NCOA7: variants seen among roughly 807,000 people sequenced by gnomAD.
The protein encoded by NCOA7 is nuclear receptor coactivator 7.
A neutral mutation model predicts 104.3 loss-of-function variants in NCOA7; 45 were observed. The observed-to-expected ratio is 0.43, with a 90% CI of 0.34 to 0.55. The LOEUF is 0.55. NCOA7 is among the 20% of genes least tolerant of loss of function. NCOA7 has a pLI of 0.02. For synonymous variants in NCOA7, 398 were observed against 402.3 expected, an observed-to-expected ratio of 0.99 and a Z score of 0.13; for missense variants, 1,041 against 1,119.7, an observed-to-expected ratio of 0.93 and a Z score of 1.00.
At chr6:125,799,719 G>A (rs181811793) in intron 1 of NCOA7, among the ~76,000 whole-genome samples, 4 of 152,280 alleles carry the variant, frequency 2.6e-5, no homozygotes, top group African/African-American at 9.6e-5. Context: ...TGGGTTTACA[G>A]ACATGAACCG....
At chr6:125,856,334 T>C (rs1781544799) in intron 3 of NCOA7, among the ~76,000 whole-genome samples, 1 of 147,640 alleles carries the variant, frequency 6.8e-6, no homozygotes, top group African/African-American at 2.5e-5. Context: ...TATGTTTATG[T>C]CTCCATGTTT....
intron 2 of NCOA7, among the ~76,000 whole-genome samples, chr6:125,849,282 GTGTGCATTCTACAA>G (rs939782363): frequency 6.6e-6 from 1 of 152,166 alleles, no homozygotes; most frequent in African/African-American, 2.4e-5. Flanking sequence ...AGTGAAGTAT[GTGTGCATTCTACAA>G]GTGCCTACAC....
chr6:125,798,863 C>T (rs1304090327), intron 1 of NCOA7, among the ~76,000 whole-genome samples: 1 of 152,084 alleles, frequency 6.6e-6, no homozygotes, highest in Non-Finnish European at 1.5e-5. Flanking sequence ...AAAGCAAATG[C>T]ATATTCATTT....
At chr6:125,909,647 A>G (rs1169872364) in intron 10 of NCOA7, among the ~76,000 whole-genome samples, 1 of 152,004 alleles carries the variant, frequency 6.6e-6, no homozygotes, top group Non-Finnish European at 1.5e-5. Context: ...CGTCTCTACT[A>G]AAAAATACAA....
At chr6:125,819,366 A>C (rs1373458049) in intron 2 of NCOA7, among the ~76,000 whole-genome samples, 1 of 152,002 alleles carries the variant, frequency 6.6e-6, no homozygotes, top group East Asian at 1.9e-4. Flanking sequence ...ATGCCTGTGT[A>C]ACTCTAAATA....
chr6:125,823,422 T>C (rs1778379860), intron 2 of NCOA7, among the ~76,000 whole-genome samples: 1 of 152,218 alleles, frequency 6.6e-6, no homozygotes, highest in Admixed American at 6.5e-5. Flanking sequence ...TCAAAACCAT[T>C]TTCTATGAAA....
At chr6:125,826,788 C>T (rs1178412636) in intron 2 of NCOA7, among the ~76,000 whole-genome samples, 1 of 152,028 alleles carries the variant, frequency 6.6e-6, no homozygotes, top group East Asian at 1.9e-4. Context: ...TTACAATGAA[C>T]AGAAATTTAT....
chr6:125,872,951 A>T (rs567024609), intron 3 of NCOA7, among the ~76,000 whole-genome samples: 21 of 152,344 alleles, frequency 1.4e-4, no homozygotes, highest in African/African-American at 3.8e-4. Flanking sequence ...ACGGATGACT[A>T]GAACAGGACT....
intron 3 of NCOA7, among the ~76,000 whole-genome samples, chr6:125,869,064 A>G (rs1033981102): frequency 6.6e-6 from 1 of 152,226 alleles, no homozygotes; most frequent in Non-Finnish European, 1.5e-5. Flanking sequence ...AAGGCTACGT[A>G]CTATCTTTTC....
At chr6:125,881,062 T>TCA (rs1311496580) in intron 5 of NCOA7, 28 bp from the exon 6 acceptor site, 2 of 1,450,022 alleles carry the variant, frequency 1.4e-6, no homozygotes, top group South Asian at 2.3e-5. Context: ...TTGCTGGTAC[T>TCA]CACCCATCTG....
At chr6:125,892,495 A>G (rs1227249690) in intron 10 of NCOA7, among the ~76,000 whole-genome samples, 1 of 152,106 alleles carries the variant, frequency 6.6e-6, no homozygotes, top group Non-Finnish European at 1.5e-5. Flanking sequence ...ACATGGTGAA[A>G]CCCCATCTCT....
At chr6:125,787,017 C>T (rs994151841), upstream of NCOA7, among the ~76,000 whole-genome samples, 2 of 151,408 alleles carry the variant, frequency 1.3e-5, no homozygotes, top group Admixed American at 6.6e-5. Flanking sequence ...TGTGGTGGTA[C>T]ATGACTGTAG....
intron 15 of NCOA7, among the ~76,000 whole-genome samples, 175 bp downstream of exon 15, chr6:125,928,422 GA>G (rs1788229741): frequency 1.3e-5 from 2 of 152,140 alleles, no homozygotes; most frequent in Admixed American, 6.5e-5. Flanking sequence ...ATCAAAGATA[GA>G]ATATTTATGT....
rs554368170 is a variant in NCOA7, at chr6:125,886,893, T to C, written c.884+1550T>C. Among the ~76,000 whole-genome samples the C allele has an allele frequency of 2.6e-5, 4 of 152,382 alleles. 1 individual carries two copies. Among genetic ancestry groups the C allele is most frequent in the African/African-American group, 9.6e-5 (4 of 41,594 alleles). On this transcript the variant is annotated intron_variant, in intron 8 of 15. Coordinates refer to ENST00000392477, the MANE Select transcript of NCOA7 (RefSeq NM_181782.5). Reference sequence around the variant, plus strand: ...AGTTTGGTATTTGTGTGAGAGTGTGTGTATGTGCGCGTGCACACACGTGCA... The same window carrying C: ...AGTTTGGTATTTGTGTGAGAGTGTGCGTATGTGCGCGTGCACACACGTGCA...
intron 2 of NCOA7, among the ~76,000 whole-genome samples, chr6:125,841,017 C>T (rs1226094928): frequency 2.7e-5 from 4 of 150,322 alleles, no homozygotes; most frequent in Non-Finnish European, 4.4e-5. Context: ...CTGAGCCTCC[C>T]GAGTAGCTGG....
At chr6:125,901,360 C>T (rs1227962361) in intron 10 of NCOA7, among the ~76,000 whole-genome samples, 5 of 152,192 alleles carry the variant, frequency 3.3e-5, no homozygotes, top group Non-Finnish European at 7.3e-5. Context: ...GGCAATAATT[C>T]CTTAACTGTT....
intron 13 of NCOA7, among the ~76,000 whole-genome samples, chr6:125,924,430 T>C (rs1487108736): frequency 6.6e-6 from 1 of 152,250 alleles, no homozygotes; most frequent in Non-Finnish European, 1.5e-5. Context: ...CTAACTTTGC[T>C]TTCTGCACCC....
Position 125,885,313 on chromosome 6 carries a change from C to T in NCOA7, c.854C>T (p.Ser285Phe). 6.2e-7 allele frequency: 1 copy of T among 1,613,802 alleles called. No individual in the cohort carries two copies. The highest frequency in any genetic ancestry group is 8.5e-7 in the Non-Finnish European group (1 of 1,179,770). The change falls in exon 8 of 16, where the codon TCT (serine) becomes TTT (phenylalanine). Residue 285 changes from serine to phenylalanine, a missense_variant. Physicochemically the swap from Ser to Phe is radical, Grantham distance 155 (BLOSUM62 -2). Coordinates refer to ENST00000392477, the MANE Select transcript of NCOA7 (RefSeq NM_181782.5). ...TCCATTGCGCTCTACAATGACATTT[C>T]TCACATGAAGATCAAAGATGCCTTG... is the stretch of plus-strand genomic sequence containing the variant. ...VVSIALYNDI[S>F]HMKIKDALPS...
Position 125,881,624 on chromosome 6 carries a change from T to TCGTA in NCOA7, c.573+423_573+426dup, listed in dbSNP as rs539665276. 1.0e-3 allele frequency among the ~76,000 whole-genome samples: 145 copies of TCGTA among 144,312 alleles called. 3 individuals carry two copies. Among genetic ancestry groups the TCGTA allele is most frequent in the Non-Finnish European group, 3.3e-4 (22 of 67,214 alleles). 94.7% of individuals were successfully genotyped at this position (144,312 alleles called of 152,430 possible). A position where few individuals can be genotyped will look rare whatever the true frequency, so the allele number is the denominator to read the frequency against. ...AGGTTGAGGCTGTGGTGAGCCATGATCGTACCACTGCACTCTAGCCTGGGT... is the reference window on the plus strand; with the variant it reads ...AGGTTGAGGCTGTGGTGAGCCATGATCGTACGTACCACTGCACTCTAGCCTGGGT... On this transcript the variant is annotated intron_variant, in intron 6 of 15. Transcript: ENST00000392477.
Sources: allele counts gnomAD v4.1 joint callset (sites outside exome capture counted in the v4.1 genomes callset), GRCh38; gene constraint gnomAD v4.1.1; transcripts MANE v1.5; gene names NCBI Gene and HGNC (gene_info 2026-07-23, HGNC 2026-07-21).